Variants in ATG7 observed in about 807,000 individuals in gnomAD.
ATG7 encodes the protein ubiquitin-like modifier-activating enzyme ATG7.
In ATG7, 70 loss-of-function variants were observed where a neutral mutation model predicts 82.4. That is an observed-to-expected ratio of 0.85 (90% confidence interval 0.70 to 1.04). ATG7 has a LOEUF of 1.04. Among genes scored for constraint, ATG7 ranks in the 50% least tolerant of loss-of-function variants. The pLI is 0.00. For missense variants in ATG7, 792 were observed against 864.3 expected (o/e 0.92, Z 1.05); for synonymous variants, 287 against 313.0 (o/e 0.92, Z 0.88).
intron 6 of ATG7, among the ~76,000 whole-genome samples, chr3:11,307,546 C>G (rs1947954469): frequency 6.6e-6 from 1 of 152,214 alleles, no homozygotes; most frequent in African/African-American, 2.4e-5. Flanking sequence ...CTGTTTTCCT[C>G]TTTTCCTTTC....
chr3:11,573,275 GAA>G, the ATG7 span, among the ~76,000 whole-genome samples: 4 of 16,394 alleles, frequency 2.4e-4, no homozygotes, highest in Admixed American at 6.9e-4. Context: ...AAGAAAGAAA[GAA>G]AGAAAGAAAG....
chr3:11,366,971 C>CTGTCTGTGTGTG (rs2076655089), intron 18 of ATG7, among the ~76,000 whole-genome samples: 1 of 139,694 alleles, frequency 7.2e-6, no homozygotes. Context: ...ATGGGAAAAG[C>CTGTCTGTGTGTG]TGTGTGTGTG....
intron 20 of ATG7, among the ~76,000 whole-genome samples, chr3:11,449,202 G>A (rs1559647068): frequency 6.6e-6 from 1 of 152,172 alleles, no homozygotes; most frequent in Non-Finnish European, 1.5e-5. Context: ...AATAAGCTAG[G>A]TGGGCCAAAA....
intron 20 of ATG7, among the ~76,000 whole-genome samples, chr3:11,459,172 T>TAA (rs2086058247): frequency 4.4e-5 from 2 of 45,202 alleles, no homozygotes; most frequent in Admixed American, 2.7e-4. Context: ...GGGAGTCACT[T>TAA]TAAAAAAAAA....
Position 11,284,837 on chromosome 3 carries a change from A to ACTGTGC in ATG7, c.-11+2403_-11+2408dup, listed in dbSNP as rs200374109. ...AGTGCTAGGATTACAAGTGTGAGCC[A>ACTGTGC]CTGTGCCTGGCCTTTTTTTTTTTTT... On this transcript the variant is annotated intron_variant, in intron 3 of 20. Transcript: ENST00000693202. Among the ~76,000 whole-genome samples the ACTGTGC allele has an allele frequency of 3.0e-3, 416 of 138,966 alleles. 3 individuals carry two copies. Among genetic ancestry groups the ACTGTGC allele is most frequent in the African/African-American group, 0.011 (394 of 36,828 alleles). The allele number at this position is 138,966 out of a possible 152,430, so 91.2% of individuals were successfully genotyped here.
At chr3:11,373,827 A>T (rs950464858) in intron 18 of ATG7, among the ~76,000 whole-genome samples, 2 of 152,214 alleles carry the variant, frequency 1.3e-5, no homozygotes, top group Non-Finnish European at 2.9e-5. Context: ...TGCAGTTCTT[A>T]TAAGATTGAG....
At chr3:11,316,971 T>G (rs1949501675) in intron 9 of ATG7, among the ~76,000 whole-genome samples, 1 of 152,248 alleles carries the variant, frequency 6.6e-6, no homozygotes, top group East Asian at 1.9e-4. Flanking sequence ...CAACTACATT[T>G]ACATTTTATT....
chr3:11,547,072 G>GTGCATT (rs2071357159), intron 20 of ATG7, among the ~76,000 whole-genome samples: 1 of 152,228 alleles, frequency 6.6e-6, no homozygotes, highest in Non-Finnish European at 1.5e-5. Flanking sequence ...GGCACCTATT[G>GTGCATT]TGCATTTGCG....
chr3:11,538,027 G>C (rs988995333), intron 20 of ATG7, among the ~76,000 whole-genome samples: 3 of 116,142 alleles, frequency 2.6e-5, no homozygotes, highest in Non-Finnish European at 6.7e-5. Context: ...AGAGGGCATA[G>C]GTCCCAGTGT....
chr3:11,337,944 G>A (rs966779180), intron 11 of ATG7, among the ~76,000 whole-genome samples: 1 of 151,834 alleles, frequency 6.6e-6, no homozygotes, highest in African/African-American at 2.4e-5. Flanking sequence ...TCCTTGCTAT[G>A]TATCAAAGAC....
intron 20 of ATG7, among the ~76,000 whole-genome samples, chr3:11,523,112 G>C (rs1339747668): frequency 6.6e-6 from 1 of 152,186 alleles, no homozygotes; most frequent in Non-Finnish European, 1.5e-5. Flanking sequence ...TTGGGTGTTT[G>C]TATTATAGCC....
chr3:11,328,406 A>G, intron 9 of ATG7, among the ~76,000 whole-genome samples: 1 of 152,236 alleles, frequency 6.6e-6, no homozygotes, highest in East Asian at 1.9e-4. Flanking sequence ...AGGAAATCTC[A>G]AATAAAAATA....
At chr3:11,441,702 T>C (rs1270252181) in intron 20 of ATG7, among the ~76,000 whole-genome samples, 2 of 150,530 alleles carry the variant, frequency 1.3e-5, no homozygotes, top group Non-Finnish European at 3.0e-5. Context: ...AGTCTTGCTC[T>C]GTTGCCCAGG....
chr3:11,504,158 A>G (rs1488296068), intron 20 of ATG7, among the ~76,000 whole-genome samples: 1 of 152,332 alleles, frequency 6.6e-6, no homozygotes, highest in East Asian at 1.9e-4. Flanking sequence ...GAGAGGGGGA[A>G]AAAAGTTGAT....
At chr3:11,444,476 C>G (rs921609998) in intron 20 of ATG7, among the ~76,000 whole-genome samples, 12 of 152,178 alleles carry the variant, frequency 7.9e-5, no homozygotes, top group African/African-American at 2.9e-4. Flanking sequence ...CCAATTTTTG[C>G]TCCTTTGGGG....
chr3:11,477,188 T>TG (rs1228484294), intron 20 of ATG7: 1 of 1,289,260 alleles, frequency 7.8e-7, no homozygotes, highest in Non-Finnish European at 1.0e-6. Flanking sequence ...CATAAACAAA[T>TG]GGACGGAAGA....
Position 11,313,298 on chromosome 3 carries a change from TTCTAGGA to T in ATG7, c.412-1_417del. The T allele has an allele frequency of 1.3e-6, 2 of 1,561,762 alleles. No individual in the cohort carries two copies. The highest frequency in any genetic ancestry group is 1.8e-6 in the Non-Finnish European group (2 of 1,139,974). On this transcript the variant is annotated splice_acceptor_variant and splice_polypyrimidine_tract_variant and coding_sequence_variant and intron_variant, in exon 8 of 21. Coordinates refer to ENST00000693202, the MANE Select transcript of ATG7 (RefSeq NM_001349232.2). LOFTEE classifies it high-confidence loss of function. ...TCTAATAACTTATTTATACTTTTTT[TTCTAGGA>T]TCTAAAGAAGTACCACTTCTACTAT... is the stretch of plus-strand genomic sequence containing the variant.
downstream of ATG7, among the ~76,000 whole-genome samples, chr3:11,559,138 GGT>G (rs565311515): frequency 3.2e-3 from 495 of 152,338 alleles, 4 homozygotes; most frequent in African/African-American, 0.01. Context: ...TGAGCGAGGC[GGT>G]GTGTTTCTCA....
In ATG7 at chr3:11,396,569, G is replaced by T. The variant is rs369634989; in HGVS notation, c.1956+16517G>T. On this transcript the variant is annotated intron_variant, in intron 19 of 20. Transcript: ENST00000693202. ...AGGTGGGCGGATCACTCGAAGTCAG[G>T]AGTTTGAGACCAGCCTGGCCAACAT... Among the ~76,000 whole-genome samples, 75 of 152,230 alleles carry T rather than the reference G, an allele frequency of 4.9e-4. 1 individual carries two copies. The highest frequency in any genetic ancestry group is 1.7e-3 in the African/African-American group (72 of 41,560).
Sources: allele counts gnomAD v4.1 joint callset (sites outside exome capture counted in the v4.1 genomes callset), GRCh38; gene constraint gnomAD v4.1.1; transcripts MANE v1.5; gene names NCBI Gene and HGNC (gene_info 2026-07-23, HGNC 2026-07-21).